Variants in TNR observed in about 807,000 individuals in gnomAD.
TNR encodes tenascin R.
TNR carries 45 observed loss-of-function variants against 150.4 expected under a neutral mutation model. That is an observed-to-expected ratio of 0.30 (90% CI 0.24 to 0.38). TNR has a LOEUF of 0.38. TNR is among the 10% of genes least tolerant of loss of function. The pLI is 1.00. For missense variants in TNR, 1,544 were observed against 1,759.1 expected (o/e 0.88, Z 2.19); for synonymous variants, 687 against 678.4 (o/e 1.01, Z -0.20).
At chr1:175,650,807 A>ATCC (rs1396757009) in intron 1 of TNR, among the ~76,000 whole-genome samples, 2 of 26,118 alleles carry the variant, frequency 7.7e-5, no homozygotes, top group East Asian at 1.2e-3. Flanking sequence ...TCTCATTACT[A>ATCC]CCTGTCCCCC....
At position 175,607,699 on chromosome 1, in the gene TNR, G is replaced by A. The variant is rs540714986; in HGVS notation, c.-164-79330C>T. ...TCAAAGTGAACGTGAAGAACAGTAC[G>A]CCAGAGGGAAGGGCCAACAGTGATG... On this transcript the variant is annotated intron_variant, in intron 1 of 22. Coordinates refer to ENST00000367674, the MANE Select transcript of TNR (RefSeq NM_003285.3). Among the ~76,000 whole-genome samples, 8 of 152,308 alleles carry A rather than the reference G, an allele frequency of 5.3e-5. No homozygotes were observed. The South Asian group carries it at 8.3e-4, about 16-fold the overall frequency.
chr1:175,704,155 A>T (rs1401369995), intron 1 of TNR, among the ~76,000 whole-genome samples: 1 of 152,226 alleles, frequency 6.6e-6, no homozygotes, highest in Non-Finnish European at 1.5e-5. Flanking sequence ...AACCATGTAG[A>T]TGTCCTAATA....
intron 1 of TNR, among the ~76,000 whole-genome samples, chr1:175,558,519 A>G (rs1045098401): frequency 1.3e-5 from 2 of 152,200 alleles, no homozygotes; most frequent in Non-Finnish European, 2.9e-5. Context: ...AACAGACTTT[A>G]ACCCAACTCT....
chr1:175,325,531 G>A (rs1649327862), intron 21 of TNR, among the ~76,000 whole-genome samples: 1 of 152,154 alleles, frequency 6.6e-6, no homozygotes, highest in Non-Finnish European at 1.5e-5. Context: ...TATACTCAAA[G>A]GATTATCAGT....
At chr1:175,604,058 T>C (rs2101849608) in intron 1 of TNR, among the ~76,000 whole-genome samples, 1 of 152,278 alleles carries the variant, frequency 6.6e-6, no homozygotes, top group East Asian at 1.9e-4. Flanking sequence ...TTTTACTTTC[T>C]TAGTTGAAAA....
At chr1:175,344,740 GC>G (rs1571318548) in intron 18 of TNR, among the ~76,000 whole-genome samples, 1 of 152,014 alleles carries the variant, frequency 6.6e-6, no homozygotes, top group African/African-American at 2.4e-5. Flanking sequence ...GAATTTCCAG[GC>G]CTAGGTATCT....
At chr1:175,384,639 T>C (rs7527127) in intron 8 of TNR, among the ~76,000 whole-genome samples, 3,975 of 152,276 alleles carry the variant, frequency 0.026, 162 homozygotes, top group African/African-American at 0.09. Flanking sequence ...AAATGGTGAG[T>C]TTTGCAGCAA....
intron 1 of TNR, among the ~76,000 whole-genome samples, chr1:175,742,156 C>T (rs1307421817): frequency 6.6e-6 from 1 of 152,182 alleles, no homozygotes; most frequent in Non-Finnish European, 1.5e-5. Flanking sequence ...AGGGAATTGA[C>T]TGAACATACT....
intron 6 of TNR, among the ~76,000 whole-genome samples, chr1:175,393,506 T>C (rs540210963): frequency 2.0e-5 from 3 of 152,338 alleles, no homozygotes; most frequent in Admixed American, 6.5e-5. Flanking sequence ...CCCAGAGTTA[T>C]CTCAGCAGAG....
At position 175,362,711 on chromosome 1, in the gene TNR, C is replaced by G; in HGVS notation, c.2806G>C (p.Val936Leu). The G allele has an allele frequency of 6.2e-7, 1 of 1,614,132 alleles. No individual in the cohort carries two copies. Among genetic ancestry groups the G allele is most frequent in the South Asian group, 1.1e-5 (1 of 91,084 alleles). The change falls in exon 14 of 23, where the codon GTG becomes CTG. Residue 936 changes from valine to leucine, a missense_variant. Physicochemically the swap from Val to Leu is conservative, Grantham distance 32. This residue lies in a region of TNR where 1,254 missense variants were observed against 1,329.4 expected (regional missense o/e 0.94). Coordinates refer to ENST00000367674, the MANE Select transcript of TNR (RefSeq NM_003285.3). ...ATEYEISLNS[V>L]RGREESERIC... ...CGCTCGCTTTCCTCCCTGCCCCGCACGCTGTTGAGGCTGATTTCGTATTCG... is the reference window on the plus strand; with the variant it reads ...CGCTCGCTTTCCTCCCTGCCCCGCAGGCTGTTGAGGCTGATTTCGTATTCG...
chr1:175,537,959 T>A (rs1297827333), intron 1 of TNR, among the ~76,000 whole-genome samples: 2 of 152,168 alleles, frequency 1.3e-5, no homozygotes, highest in Non-Finnish European at 2.9e-5. Context: ...GAGACATGAT[T>A]GCCATTTTGA....
chr1:175,424,024 A>G (rs1314043341), intron 2 of TNR, among the ~76,000 whole-genome samples: 1 of 152,254 alleles, frequency 6.6e-6, no homozygotes, highest in East Asian at 1.9e-4. Flanking sequence ...TTCTGATTAG[A>G]AAATCTATAC....
intron 2 of TNR, among the ~76,000 whole-genome samples, chr1:175,456,602 A>C (rs1333327358): frequency 2.0e-5 from 3 of 148,044 alleles, no homozygotes; most frequent in Non-Finnish European, 4.4e-5. Flanking sequence ...GTTCAGCCTA[A>C]GTGTACTGAA....
At chr1:175,391,231 G>T (rs1237517455) in intron 7 of TNR, 57 bp downstream of exon 7, 3 of 1,588,930 alleles carry the variant, frequency 1.9e-6, no homozygotes, top group Non-Finnish European at 2.6e-6. Context: ...CAATTCTGTG[G>T]TTCTTTTCCA....
intron 2 of TNR, among the ~76,000 whole-genome samples, chr1:175,441,481 C>A (rs1655786525): frequency 6.6e-6 from 1 of 151,878 alleles, no homozygotes; most frequent in African/African-American, 2.4e-5. Flanking sequence ...TTAATAATAC[C>A]AGGTACTATA....
In TNR at chr1:175,422,145, T is replaced by C. The variant is rs1439838710; in HGVS notation, c.-63-15368A>G. ...GCAGCCTGATTCCATAGTCTTTGAATGTCAAGAGCTGTATGCAGTTGATTG... is the reference window on the plus strand; with the variant it reads ...GCAGCCTGATTCCATAGTCTTTGAACGTCAAGAGCTGTATGCAGTTGATTG... On this transcript the variant is annotated intron_variant, in intron 2 of 22. Coordinates refer to ENST00000367674, the MANE Select transcript of TNR (RefSeq NM_003285.3). 2.0e-5 allele frequency among the ~76,000 whole-genome samples: 3 copies of C among 152,198 alleles called. No individual in the cohort carries two copies. In the East Asian group the frequency reaches 5.8e-4, roughly 29 times the overall value.
intron 1 of TNR, among the ~76,000 whole-genome samples, chr1:175,607,433 G>A (rs1663445292): frequency 6.6e-6 from 1 of 152,200 alleles, no homozygotes; most frequent in Non-Finnish European, 1.5e-5. Context: ...GGTACCTCTT[G>A]GAGAAAGGTA....
intron 1 of TNR, among the ~76,000 whole-genome samples, chr1:175,680,124 G>C (rs1163783040): frequency 6.6e-6 from 1 of 152,204 alleles, no homozygotes; most frequent in Non-Finnish European, 1.5e-5. Context: ...CCCAGCCCCA[G>C]AGTTTATAAA....
intron 1 of TNR, among the ~76,000 whole-genome samples, chr1:175,573,998 C>T (rs1661995373): frequency 6.6e-6 from 1 of 152,220 alleles, no homozygotes; most frequent in African/African-American, 2.4e-5. Context: ...GGGGCCCTTC[C>T]TTGGATATGA....
Sources: gnomAD v4.1 joint callset for allele counts (sites outside exome capture counted in the v4.1 genomes callset) on GRCh38, gnomAD v4.1.1 for gene constraint, gnomAD v4.1.1 regional missense constraint, MANE v1.5 for transcripts, NCBI Gene and HGNC (gene_info 2026-07-23, HGNC 2026-07-21) for gene names.